OPCML: variants seen among roughly 807,000 people sequenced by gnomAD.
The protein encoded by OPCML is opioid-binding protein/cell adhesion molecule.
Under a neutral mutation model 37.8 loss-of-function variants are expected in OPCML, and 13 were observed. The ratio of observed to expected loss-of-function variants is 0.34; its 90% confidence interval spans 0.22 to 0.55. The LOEUF (loss-of-function observed/expected upper bound fraction) is 0.55. OPCML is among the 20% of genes least tolerant of loss of function. The pLI is 0.91. For missense variants in OPCML, 341 were observed against 435.6 expected (o/e 0.78, Z 1.93); for synonymous variants, 176 against 168.8 (o/e 1.04, Z -0.33).
In OPCML at chr11:133,140,853, C is replaced by CAAA. The variant is rs1565468215; in HGVS notation, c.62-197844_62-197843insTTT. On this transcript the variant is annotated intron_variant, in intron 1 of 7. Transcript: ENST00000524381. ...ACGACGAAGAAGACGACGACGACGA[C>CAAA]GAAGAAGACGACGACGACGAAGAAG... 6.4e-4 allele frequency among the ~76,000 whole-genome samples: 18 copies of CAAA among 28,058 alleles called. 5 individuals are homozygous for CAAA. The highest frequency in any genetic ancestry group is 1.9e-3 in the African/African-American group (18 of 9,588). The allele number at this position is 28,058 out of a possible 152,430, so 18.4% of individuals were successfully genotyped here.
intron 1 of OPCML, among the ~76,000 whole-genome samples, chr11:133,402,328 G>A (rs1945422809): frequency 1.3e-5 from 2 of 152,120 alleles, no homozygotes; most frequent in Admixed American, 1.3e-4. Flanking sequence ...GGGCCATCAT[G>A]ACCAAGTCAA....
At chr11:132,931,339 A>G (rs1945193000) in intron 2 of OPCML, among the ~76,000 whole-genome samples, 1 of 152,224 alleles carries the variant, frequency 6.6e-6, no homozygotes, top group Non-Finnish European at 1.5e-5. Context: ...GTAAAACGTT[A>G]AAGCCTTCTT....
intron 2 of OPCML, among the ~76,000 whole-genome samples, chr11:132,785,087 T>G (rs1947163213): frequency 6.6e-6 from 1 of 152,246 alleles, no homozygotes; most frequent in Non-Finnish European, 1.5e-5. Flanking sequence ...ATAATTTATG[T>G]GCTTAGAAAA....
At chr11:133,316,511 C>T (rs929710545) in intron 1 of OPCML, among the ~76,000 whole-genome samples, 1 of 152,082 alleles carries the variant, frequency 6.6e-6, no homozygotes, top group Non-Finnish European at 1.5e-5. Flanking sequence ...ATACCTAATG[C>T]ATGCGGGGCT....
intron 2 of OPCML, among the ~76,000 whole-genome samples, chr11:132,833,161 T>C (rs1334850831): frequency 6.6e-6 from 1 of 152,204 alleles, no homozygotes; most frequent in Non-Finnish European, 1.5e-5. Context: ...TTTAATTTTT[T>C]AACTTTTTTG....
intron 3 of OPCML, among the ~76,000 whole-genome samples, chr11:132,643,797 C>T (rs936593131): frequency 1.3e-5 from 2 of 152,202 alleles, no homozygotes; most frequent in South Asian, 4.1e-4. Context: ...ATTCAACAAG[C>T]TCAGTTTGGT....
intron 3 of OPCML, among the ~76,000 whole-genome samples, chr11:132,611,990 A>G (rs1304263637): frequency 1.3e-5 from 2 of 152,188 alleles, no homozygotes; most frequent in African/African-American, 4.8e-5. Flanking sequence ...CAGCCAGAGA[A>G]GGGTTCTGAC....
chr11:133,070,451 G>A (rs1454096042), intron 1 of OPCML, among the ~76,000 whole-genome samples: 1 of 152,110 alleles, frequency 6.6e-6, no homozygotes, highest in Non-Finnish European at 1.5e-5. Context: ...AGCATCGCCT[G>A]GGAGAAAGTG....
Position 133,408,162 on chromosome 11 carries a change from T to A in OPCML, c.61+124102A>T, listed in dbSNP as rs1945563647. Among the ~76,000 whole-genome samples the A allele has an allele frequency of 2.6e-5, 4 of 151,434 alleles. No homozygotes were observed. The South Asian group carries it at 8.3e-4, about 31-fold the overall frequency. On this transcript the variant is annotated intron_variant, in intron 1 of 7. Transcript: ENST00000524381. ...CATGTTGCTGGTCACAAAAAAAAAA[T>A]CACCAAACTTCCAAATAAAGATCCA...
chr11:133,456,566 C>T (rs185464461), intron 1 of OPCML, among the ~76,000 whole-genome samples: 26 of 152,088 alleles, frequency 1.7e-4, no homozygotes, highest in Non-Finnish European at 1.5e-5. Context: ...CAGAAATCAT[C>T]CCTGAAGAAA....
intron 7 of OPCML, chr11:132,435,325 GGA>G: frequency 9.3e-7 from 1 of 1,070,314 alleles, no homozygotes; most frequent in Non-Finnish European, 1.3e-6. Flanking sequence ...GTGGAAACGT[GGA>G]TACCTCTCTT....
intron 1 of OPCML, among the ~76,000 whole-genome samples, chr11:133,086,001 T>G (rs1284840217): frequency 6.6e-6 from 1 of 152,214 alleles, no homozygotes; most frequent in Non-Finnish European, 1.5e-5. Flanking sequence ...CTTTATTCCA[T>G]CCTCAGAGAA....
chr11:132,645,725 CT>C (rs372361175), intron 3 of OPCML, among the ~76,000 whole-genome samples: 4 of 152,270 alleles, frequency 2.6e-5, no homozygotes, highest in African/African-American at 9.6e-5. Context: ...AATATGATAG[CT>C]ACTGGTCATG....
chr11:133,246,993 T>G (rs577703730), intron 1 of OPCML, among the ~76,000 whole-genome samples: 2 of 152,246 alleles, frequency 1.3e-5, no homozygotes, highest in East Asian at 3.9e-4. Flanking sequence ...AGCCGAAACA[T>G]GAGCTATAAG....
chr11:133,256,484 A>G (rs1046128586), intron 1 of OPCML, among the ~76,000 whole-genome samples: 1 of 152,224 alleles, frequency 6.6e-6, no homozygotes, highest in Non-Finnish European at 1.5e-5. Context: ...AACCTTTGCT[A>G]TGATTATTCC....
intron 1 of OPCML, among the ~76,000 whole-genome samples, chr11:133,278,170 C>G (rs777125759): frequency 6.6e-6 from 1 of 152,106 alleles, no homozygotes; most frequent in Non-Finnish European, 1.5e-5. Context: ...AGGCTTGGAT[C>G]TCTTGGCATG....
In OPCML at chr11:132,943,944, G is replaced by A. The variant is rs1591834790; in HGVS notation, c.62-934C>T. ...GGGCCCGGACCGCCGGGGTTGTCAT[G>A]GCAGCAGCTCCATCCCTGACCGCCA... On this transcript the variant is annotated intron_variant, in intron 1 of 7. Transcript: ENST00000524381. This position sits in a 1 kb window ranked among gnomAD's most constrained non-coding sequence, Gnocchi z 4.3. Among the ~76,000 whole-genome samples, 2 of 152,014 alleles carry A rather than the reference G, an allele frequency of 1.3e-5. No homozygotes were observed. Among genetic ancestry groups the A allele is most frequent in the East Asian group, 1.9e-4 (1 of 5,146 alleles).
intron 3 of OPCML, among the ~76,000 whole-genome samples, chr11:132,650,721 T>C (rs59778944): frequency 0.01 from 1,538 of 152,304 alleles, 31 homozygotes; most frequent in African/African-American, 0.035. Flanking sequence ...GTCTTGGAGA[T>C]GCAGGCCTGC....
chr11:133,409,091 G>A (rs895828526), intron 1 of OPCML, among the ~76,000 whole-genome samples: 11 of 152,180 alleles, frequency 7.2e-5, no homozygotes, highest in Non-Finnish European at 8.8e-5. Context: ...GGGGACGAGC[G>A]TGGGCTGTGG....
Sources: allele counts gnomAD v4.1 joint callset (sites outside exome capture counted in the v4.1 genomes callset), GRCh38; gene constraint gnomAD v4.1.1; non-coding constraint Gnocchi (gnomAD v3.1); transcripts MANE v1.5; gene names NCBI Gene and HGNC (gene_info 2026-07-23, HGNC 2026-07-21).